PTP4A3: variants seen among roughly 807,000 people sequenced by gnomAD.
PTP4A3 encodes protein tyrosine phosphatase type IVA 3.
In PTP4A3, 9 loss-of-function variants were observed where a neutral mutation model predicts 15.2. The ratio of observed to expected loss-of-function variants is 0.59; its 90% CI spans 0.36 to 1.03. The LOEUF (loss-of-function observed/expected upper bound fraction) is 1.03. Among genes scored for constraint, PTP4A3 ranks in the 50% least tolerant of loss-of-function variants. PTP4A3 has a pLI of 0.02. For synonymous variants in PTP4A3, 95 were observed against 102.0 expected, an observed-to-expected ratio of 0.93 and a Z score of 0.41; for missense variants, 234 against 252.1, an observed-to-expected ratio of 0.93 and a Z score of 0.49.
At position 141,425,110 on chromosome 8, in the gene PTP4A3, G is replaced by A. The variant is rs767337097; in HGVS notation, c.168G>A (p.Thr56=). 61 of 1,611,678 alleles carry A rather than the reference G, an allele frequency of 3.8e-5. No homozygotes were observed. The highest frequency in any genetic ancestry group is 5.0e-5 in the Non-Finnish European group (59 of 1,179,090). Residue 56 remains threonine, a synonymous_variant, in exon 3 of 6, where the codon ACG becomes ACA. Transcript: ENST00000521578. The surrounding 1 kb of genome is among the most constrained non-coding windows in gnomAD (Gnocchi z 4.2). ...TGTGTGAAGTGACCTATGACAAAAC[G>A]CCGCTGGAGAAGGATGGCATCACCG... is the stretch of plus-strand genomic sequence containing the variant. ...VRVCEVTYDK[T]PLEKDGITVV...
At chr8:141,414,522 T>A (rs1301754273) in intron 1 of PTP4A3, among the ~76,000 whole-genome samples, 1 of 150,282 alleles carries the variant, frequency 6.7e-6, no homozygotes, top group Non-Finnish European at 1.5e-5. Flanking sequence ...GTGGCAGGTG[T>A]GTGAGTCTCT....
intron 1 of PTP4A3, among the ~76,000 whole-genome samples, chr8:141,399,214 C>T (rs1246203438): frequency 6.6e-6 from 1 of 152,358 alleles, no homozygotes; most frequent in East Asian, 1.9e-4. Flanking sequence ...TTACTCCTGG[C>T]ACCCCCACTC....
At chr8:141,396,737 C>T (rs895905561) in intron 1 of PTP4A3, among the ~76,000 whole-genome samples, 1 of 152,176 alleles carries the variant, frequency 6.6e-6, no homozygotes, top group African/African-American at 2.4e-5. Flanking sequence ...AGCTTGGCCA[C>T]GCCAGCTTGG....
In PTP4A3 at chr8:141,401,799, G is replaced by A. The variant is rs1430763926; in HGVS notation, c.-854+9715G>A. Among the ~76,000 whole-genome samples, 3 of 152,326 alleles carry A rather than the reference G, an allele frequency of 2.0e-5. No individual in the cohort carries two copies. In the East Asian group the frequency reaches 5.8e-4, roughly 29 times the overall value. On this transcript the variant is annotated intron_variant, in intron 1 of 5. Transcript: ENST00000521578. ...AGGTGGAGCGGGGCTCCAAGGCACT[G>A]GAGCACGTGGGCCGGAGCATGGACA...
chr8:141,417,965 C>A (rs531950681), intron 1 of PTP4A3, among the ~76,000 whole-genome samples: 2 of 151,844 alleles, frequency 1.3e-5, no homozygotes, highest in African/African-American at 4.8e-5. Context: ...GGGCCAGCAC[C>A]GTGGGCACCG....
chr8:141,401,569 C>T (rs1832590441), intron 1 of PTP4A3, among the ~76,000 whole-genome samples: 1 of 152,180 alleles, frequency 6.6e-6, no homozygotes, highest in African/African-American at 2.4e-5. Flanking sequence ...TGGTAGCCTC[C>T]CTGGGCCGGG....
chr8:141,415,541 C>A (rs1833004470), intron 1 of PTP4A3, among the ~76,000 whole-genome samples: 1 of 147,666 alleles, frequency 6.8e-6, no homozygotes, highest in Non-Finnish European at 1.5e-5. Context: ...CGGAGCGTTC[C>A]GGGATCCTTC....
In PTP4A3 at chr8:141,431,861, G is replaced by C. The variant is rs1833892313; in HGVS notation, c.*817G>C. 6.6e-6 allele frequency: 1 copy of C among 152,370 alleles called. No individual in the cohort carries two copies. Among genetic ancestry groups the C allele is most frequent in the African/African-American group, 2.4e-5 (1 of 41,460 alleles). 9.4% of individuals were successfully genotyped at this position (152,370 alleles called of 1,614,324 possible). On this transcript the variant is annotated 3_prime_UTR_variant, in exon 6 of 6. Coordinates refer to ENST00000521578, the MANE Select transcript of PTP4A3 (RefSeq NM_032611.3). ...GCTTCTCAGGGCCTGTGTCCGGCTG[G>C]TTGGTCCCTGTGCTGCCCAAACCAG... is the stretch of plus-strand genomic sequence containing the variant.
At chr8:141,407,814 G>A (rs1166473811) in intron 1 of PTP4A3, among the ~76,000 whole-genome samples, 1 of 152,198 alleles carries the variant, frequency 6.6e-6, no homozygotes, top group African/African-American at 2.4e-5. Context: ...TGATCCACCT[G>A]CCTCAGCCTC....
chr8:141,416,861 G>A (rs913931407), intron 1 of PTP4A3, among the ~76,000 whole-genome samples: 1 of 152,074 alleles, frequency 6.6e-6, no homozygotes, highest in Non-Finnish European at 1.5e-5. Context: ...GCAGGGGGAG[G>A]GGGGGTCGTG....
rs770627680 is a variant in PTP4A3, at chr8:141,427,019, T to C, written c.279T>C (p.Cys93=). The change falls in exon 4 of 6, where the codon TGT becomes TGC. Residue 93 remains cysteine (C), a synonymous_variant. Transcript: ENST00000521578. The part of the protein sequence containing the change: ...DWLSLVKAKF[C]EAPGSCVAVH... Reference sequence around the variant, plus strand: ...TGAGCCTGGTGAAGGCCAAGTTCTGTGAGGCCCCCGGCAGCTGCGTGGCTG... The same window carrying C: ...TGAGCCTGGTGAAGGCCAAGTTCTGCGAGGCCCCCGGCAGCTGCGTGGCTG... 6 of 1,603,666 alleles carry C rather than the reference T, an allele frequency of 3.7e-6. No individual in the cohort carries two copies. The highest frequency in any genetic ancestry group is 5.1e-6 in the Non-Finnish European group (6 of 1,179,832).
At position 141,431,682 on chromosome 8, in the gene PTP4A3, A is replaced by T. The variant is rs537929349; in HGVS notation, c.*638A>T. On this transcript the variant is annotated 3_prime_UTR_variant, in exon 6 of 6. Transcript: ENST00000521578. ...GCTCTGGGTCCTTGCACCCCGACCCAGGGGCCAGCCTGCCCTGTCCTGTCC... is the reference window on the plus strand; with the variant it reads ...GCTCTGGGTCCTTGCACCCCGACCCTGGGGCCAGCCTGCCCTGTCCTGTCC... 1 of 152,632 alleles carries T rather than the reference A, an allele frequency of 6.6e-6. No individual in the cohort carries two copies. Among genetic ancestry groups the T allele is most frequent in the East Asian group, 1.9e-4 (1 of 5,172 alleles). 9.5% of individuals were successfully genotyped at this position (152,632 alleles called of 1,614,324 possible). A position where few individuals can be genotyped will look rare whatever the true frequency, so the allele number is the denominator to read the frequency against.
Position 141,430,998 on chromosome 8 carries a change from G to A in PTP4A3, c.476G>A (p.Arg159Gln), listed in dbSNP as rs754768750. ...LEKYRPKQRL[R>Q]FKDPHTHKTR... is the part of the protein sequence containing the mutation. ...AAATACCGGCCCAAACAGAGGCTGC[G>A]GTTCAAAGACCCACACACGCACAAG... The change falls in exon 6 of 6, where the codon CGG becomes CAG. Residue 159 changes from arginine to glutamine, a missense_variant. Physicochemically the swap from Arg to Gln is conservative, Grantham distance 43 (BLOSUM62 1). Transcript: ENST00000521578. 2.0e-5 allele frequency: 33 copies of A among 1,613,178 alleles called. No individual in the cohort carries two copies. The highest frequency in any genetic ancestry group is 2.7e-5 in the Non-Finnish European group (32 of 1,179,966).
chr8:141,417,713 C>T (rs1833115241), intron 1 of PTP4A3, among the ~76,000 whole-genome samples: 1 of 152,026 alleles, frequency 6.6e-6, no homozygotes, highest in East Asian at 1.9e-4. Context: ...CGGCCCTCGC[C>T]GCGCCCCGCA....
At chr8:141,428,415 C>T (rs1007032675) in intron 5 of PTP4A3, among the ~76,000 whole-genome samples, 8 of 152,108 alleles carry the variant, frequency 5.3e-5, no homozygotes, top group Non-Finnish European at 1.2e-4. Flanking sequence ...GGAGTCTGGC[C>T]GGGATGGCAG....
At chr8:141,407,315 C>G (rs543447674) in intron 1 of PTP4A3, among the ~76,000 whole-genome samples, 1 of 152,226 alleles carries the variant, frequency 6.6e-6, no homozygotes, top group Admixed American at 6.5e-5. Context: ...CTCAACCTCC[C>G]GTACCCAATG....
At chr8:141,416,886 C>T (rs534415726) in intron 1 of PTP4A3, among the ~76,000 whole-genome samples, 1 of 152,136 alleles carries the variant, frequency 6.6e-6, no homozygotes, top group African/African-American at 2.4e-5. Flanking sequence ...CAGCTGGGCC[C>T]CTTGATGACC....
At chr8:141,392,191 G>A (rs559200760) in intron 1 of PTP4A3, 107 bp downstream of exon 1, 1 of 149,588 alleles carries the variant, frequency 6.7e-6, no homozygotes, top group South Asian at 2.1e-4. Context: ...GCACGGCTTC[G>A]GGGCCGCGCA....
Position 141,431,441 on chromosome 8 carries a change from TG to T in PTP4A3, c.*398del. 1 of 194,722 alleles carries T rather than the reference TG, an allele frequency of 5.1e-6. No homozygotes were observed. The highest frequency in any genetic ancestry group is 1.0e-5 in the Non-Finnish European group (1 of 96,834). 12.1% of individuals were successfully genotyped at this position (194,722 alleles called of 1,614,324 possible). A position where few individuals can be genotyped will look rare whatever the true frequency, so the allele number is the denominator to read the frequency against. On this transcript the variant is annotated 3_prime_UTR_variant, in exon 6 of 6. Coordinates refer to ENST00000521578, the MANE Select transcript of PTP4A3 (RefSeq NM_032611.3). Reference sequence around the variant, plus strand: ...TCTTTTGCGACCCCTTGTCCTGACCTGTTCTCGGCACCTTAAATTATTAGAC... The same window carrying T: ...TCTTTTGCGACCCCTTGTCCTGACCTTTCTCGGCACCTTAAATTATTAGAC...
Sources: gnomAD v4.1 joint callset for allele counts (sites outside exome capture counted in the v4.1 genomes callset) on GRCh38, gnomAD v4.1.1 for gene constraint, Gnocchi (gnomAD v3.1) non-coding constraint, MANE v1.5 for transcripts, NCBI Gene and HGNC (gene_info 2026-07-23, HGNC 2026-07-21) for gene names.